The following EPHB1 variants were observed in gnomAD, a reference collection of about 807,000 sequenced individuals.
EPHB1 encodes the protein EPH receptor B1.
Under a neutral mutation model 94.4 loss-of-function variants are expected in EPHB1, and 30 were observed. The ratio of observed to expected loss-of-function variants is 0.32; its 90% CI spans 0.24 to 0.43. EPHB1 has a LOEUF of 0.43. Among genes scored for constraint, EPHB1 ranks in the 20% least tolerant of loss-of-function variants. The pLI, the probability that EPHB1 is intolerant of heterozygous loss-of-function variation, is 1.00. For missense variants in EPHB1, 1,055 were observed against 1,308.3 expected (o/e 0.81, Z 2.99); for synonymous variants, 522 against 489.1 (o/e 1.07, Z -0.89).
chr3:135,095,686 C>G (rs1938733301), intron 3 of EPHB1, among the ~76,000 whole-genome samples: 1 of 152,184 alleles, frequency 6.6e-6, no homozygotes, highest in Admixed American at 6.5e-5. Context: ...CCACCCCACA[C>G]AGGAACTGTG....
At chr3:134,799,655 G>A (rs988324770) in intron 1 of EPHB1, among the ~76,000 whole-genome samples, 1 of 152,200 alleles carries the variant, frequency 6.6e-6, no homozygotes, top group African/African-American at 2.4e-5. Context: ...TGATGCTCCC[G>A]AGCCTGGGGA....
At chr3:134,909,592 A>G (rs1354312194) in intron 1 of EPHB1, among the ~76,000 whole-genome samples, 1 of 152,208 alleles carries the variant, frequency 6.6e-6, no homozygotes, top group East Asian at 1.9e-4. Flanking sequence ...GTCCAAGCTG[A>G]AAGACACAGA....
intron 2 of EPHB1, among the ~76,000 whole-genome samples, chr3:134,938,980 C>T (rs1264919749): frequency 6.6e-6 from 1 of 152,096 alleles, no homozygotes; most frequent in Non-Finnish European, 1.5e-5. Context: ...TGTTCTTAAA[C>T]CCCCACCCCT....
intron 13 of EPHB1, among the ~76,000 whole-genome samples, chr3:135,247,716 T>G (rs768442866): frequency 6.6e-6 from 1 of 152,356 alleles, no homozygotes; most frequent in Non-Finnish European, 1.5e-5. Flanking sequence ...TTGAACCAAT[T>G]ATTTGTTTAA....
At chr3:135,015,551 A>G (rs900089835) in intron 3 of EPHB1, among the ~76,000 whole-genome samples, 1 of 152,100 alleles carries the variant, frequency 6.6e-6, no homozygotes, top group Non-Finnish European at 1.5e-5. Context: ...TTGTTTTGCC[A>G]TCCCTAATGT....
intron 3 of EPHB1, among the ~76,000 whole-genome samples, chr3:135,051,718 A>C (rs1320774014): frequency 6.6e-6 from 1 of 152,214 alleles, no homozygotes; most frequent in Non-Finnish European, 1.5e-5. Context: ...CTATTTATTT[A>C]CTTGACTTTG....
intron 3 of EPHB1, among the ~76,000 whole-genome samples, chr3:135,010,581 T>A (rs28729915): frequency 9.5e-6 from 1 of 104,998 alleles, no homozygotes; most frequent in Admixed American, 9.9e-5. Context: ...TTTTTTTTTT[T>A]ACGCAGAGTT....
At chr3:134,834,658 G>A (rs772825816) in intron 1 of EPHB1, among the ~76,000 whole-genome samples, 1 of 152,176 alleles carries the variant, frequency 6.6e-6, no homozygotes, top group East Asian at 1.9e-4. Context: ...TGATCCTGTG[G>A]CTCATACCCC....
intron 2 of EPHB1, among the ~76,000 whole-genome samples, chr3:134,934,373 G>T (rs1165438492): frequency 6.6e-6 from 1 of 152,196 alleles, no homozygotes; most frequent in African/African-American, 2.4e-5. Context: ...TCCTCCAAGT[G>T]ATGGAAGGCA....
intron 2 of EPHB1, among the ~76,000 whole-genome samples, chr3:134,928,033 C>T (rs922706752): frequency 3.9e-5 from 6 of 152,204 alleles, no homozygotes; most frequent in African/African-American, 1.4e-4. Flanking sequence ...CCAGTGACTC[C>T]CAAGTTAGTA....
intron 1 of EPHB1, among the ~76,000 whole-genome samples, chr3:134,861,356 C>T (rs779930728): frequency 3.3e-5 from 5 of 152,152 alleles, no homozygotes; most frequent in Non-Finnish European, 5.9e-5. Flanking sequence ...GGCCAGGAGA[C>T]AACCTTGGCA....
At chr3:134,818,956 C>A (rs2036326483) in intron 1 of EPHB1, among the ~76,000 whole-genome samples, 2 of 152,164 alleles carry the variant, frequency 1.3e-5, no homozygotes, top group South Asian at 4.1e-4. Flanking sequence ...AGAAGATGAA[C>A]AGAGGCTGAG....
intron 3 of EPHB1, among the ~76,000 whole-genome samples, chr3:135,029,246 G>A (rs985315572): frequency 2.0e-5 from 3 of 147,888 alleles, no homozygotes; most frequent in Non-Finnish European, 4.5e-5. Flanking sequence ...AGTGTTATGT[G>A]TGAATTTGAT....
chr3:135,199,578 G>C (rs1185205843), intron 11 of EPHB1, among the ~76,000 whole-genome samples: 2 of 152,198 alleles, frequency 1.3e-5, no homozygotes, highest in Non-Finnish European at 2.9e-5. Context: ...TAAAGTTAGA[G>C]TTAGAAATAG....
intron 12 of EPHB1, among the ~76,000 whole-genome samples, chr3:135,221,742 A>G (rs1943283050): frequency 1.3e-5 from 2 of 152,196 alleles, no homozygotes; most frequent in Non-Finnish European, 1.5e-5. Flanking sequence ...ATTACGCCTC[A>G]TGTACATCAC....
chr3:134,875,339 G>A (rs1578160511), intron 1 of EPHB1, among the ~76,000 whole-genome samples: 1 of 152,272 alleles, frequency 6.6e-6, no homozygotes, highest in South Asian at 2.1e-4. Flanking sequence ...GGGAGCAGAA[G>A]GCCAGCTGGG....
chr3:135,218,920 G>T (rs1943216664), intron 12 of EPHB1, among the ~76,000 whole-genome samples: 1 of 152,208 alleles, frequency 6.6e-6, no homozygotes, highest in African/African-American at 2.4e-5. Context: ...GTTAATTAGG[G>T]GAAGAGCATG....
chr3:135,109,891 C>T (rs992071818), intron 4 of EPHB1, among the ~76,000 whole-genome samples: 1 of 152,228 alleles, frequency 6.6e-6, no homozygotes, highest in African/African-American at 2.4e-5. Context: ...CACTGAGACA[C>T]ACTTCCTTCC....
intron 3 of EPHB1, among the ~76,000 whole-genome samples, chr3:135,071,556 G>T (rs1460661259): frequency 6.6e-6 from 1 of 152,186 alleles, no homozygotes; most frequent in African/African-American, 2.4e-5. Flanking sequence ...GTCTTACATT[G>T]TGGGCCCTGG....
Sources: allele counts gnomAD v4.1 joint callset (sites outside exome capture counted in the v4.1 genomes callset), GRCh38; gene constraint gnomAD v4.1.1; transcripts MANE v1.5; gene names NCBI Gene and HGNC (gene_info 2026-07-23, HGNC 2026-07-21).